DNAH9: variants seen among roughly 807,000 people sequenced by gnomAD.
DNAH9 encodes DNAH9 variant protein.
DNAH9 carries 345 observed loss-of-function variants against 471.6 expected under a neutral mutation model. That is an observed-to-expected ratio of 0.73 (90% CI 0.67 to 0.80). The LOEUF is 0.80. DNAH9 is among the 30% of genes least tolerant of loss of function. DNAH9 has a pLI of 0.00. For synonymous variants in DNAH9, 2,093 were observed against 2,123.6 expected, an observed-to-expected ratio of 0.99 and a Z score of 0.40; for missense variants, 5,407 against 5,609.2, an observed-to-expected ratio of 0.96 and a Z score of 1.15.
At chr17:11,953,271 A>G (rs1476856967) in intron 67 of DNAH9, among the ~76,000 whole-genome samples, 9 of 152,150 alleles carry the variant, frequency 5.9e-5, no homozygotes, top group Admixed American at 5.9e-4. Flanking sequence ...CCGTTGGAGC[A>G]TGCTGTACCC....
intron 1 of DNAH9, among the ~76,000 whole-genome samples, chr17:11,605,905 G>A (rs1479169970): frequency 6.6e-6 from 1 of 152,082 alleles, no homozygotes; most frequent in Non-Finnish European, 1.5e-5. Context: ...TTCAGACAGT[G>A]TACATTCAGT....
chr17:11,962,174 A>G lies in DNAH9; in HGVS notation c.13151A>G (p.Asn4384Ser). Residue 4384 changes from asparagine to serine, a missense_variant, in exon 68 of 69, where the codon AAC (asparagine) becomes AGC (serine). Physicochemically the swap from Asn to Ser is conservative, Grantham distance 46. Coordinates refer to ENST00000262442, the MANE Select transcript of DNAH9 (RefSeq NM_001372.4). This position sits in a 1 kb window ranked among gnomAD's most constrained non-coding sequence, Gnocchi z 4.1. ...MALQCDMTKKNREEFRSPPRE... is the reference protein window; with the variant it reads ...MALQCDMTKKSREEFRSPPRE... ...CTGCAATGTGACATGACGAAGAAGA[A>G]CAGAGAAGAGTTTAGGAGTCCTCCT... The G allele has an allele frequency of 6.2e-7, 1 of 1,614,200 alleles. No homozygotes were observed. The highest frequency in any genetic ancestry group is 8.5e-7 in the Non-Finnish European group (1 of 1,180,044).
chr17:11,621,265 G>A (rs976789437), intron 6 of DNAH9, among the ~76,000 whole-genome samples: 2 of 151,952 alleles, frequency 1.3e-5, no homozygotes, highest in East Asian at 1.9e-4. Flanking sequence ...AAAATTAGCC[G>A]GGTGTGGTGG....
In DNAH9 at chr17:11,699,739, T is replaced by C; in HGVS notation, c.4881T>C (p.Arg1627=). The part of the protein sequence containing the change: ...SNGTAPQQVQ[R]HLSKLFDNMA... ...CTGGTTTCCCTTCATAGGTTCAACG[T>C]CACCTTTCCAAACTCTTTGACAACA... is the stretch of plus-strand genomic sequence containing the variant. The change falls in exon 23 of 69, where the codon CGT becomes CGC. Residue 1627 remains arginine, a synonymous_variant. Transcript: ENST00000262442. 1.2e-6 allele frequency: 2 copies of C among 1,614,174 alleles called. No homozygotes were observed. Among genetic ancestry groups the C allele is most frequent in the Non-Finnish European group, 1.7e-6 (2 of 1,180,014 alleles).
intron 10 of DNAH9, among the ~76,000 whole-genome samples, chr17:11,644,175 A>C (rs916207450): frequency 6.6e-6 from 1 of 152,222 alleles, no homozygotes; most frequent in Non-Finnish European, 1.5e-5. Context: ...CAGCGTCATT[A>C]AAATCTTATG....
intron 12 of DNAH9, among the ~76,000 whole-genome samples, chr17:11,648,678 G>A (rs2073440821): frequency 6.6e-6 from 1 of 151,828 alleles, no homozygotes; most frequent in African/African-American, 2.4e-5. Flanking sequence ...GGGAAAGGAG[G>A]GAGGAAAGAA....
At chr17:11,748,707 T>C (rs978763962) in intron 32 of DNAH9, among the ~76,000 whole-genome samples, 1 of 151,892 alleles carries the variant, frequency 6.6e-6, no homozygotes, top group African/African-American at 2.4e-5. Flanking sequence ...ACTTCACCAA[T>C]AGACATTGTA....
chr17:11,602,424 A>T (rs2072405721), intron 1 of DNAH9, among the ~76,000 whole-genome samples: 1 of 151,986 alleles, frequency 6.6e-6, no homozygotes, highest in African/African-American at 2.4e-5. Flanking sequence ...CTCCTGGAGG[A>T]CTCAGCTGCG....
intron 17 of DNAH9, among the ~76,000 whole-genome samples, chr17:11,678,578 G>A (rs1597467867): frequency 1.3e-5 from 2 of 152,214 alleles, no homozygotes; most frequent in Non-Finnish European, 1.5e-5. Flanking sequence ...CCGAGTAGTC[G>A]GTTATCAGTC....
intron 50 of DNAH9, among the ~76,000 whole-genome samples, chr17:11,857,226 A>C (rs1443626838): frequency 6.6e-6 from 1 of 152,232 alleles, no homozygotes; most frequent in Non-Finnish European, 1.5e-5. Flanking sequence ...GGGCCCACTC[A>C]ACCTGCGAAA....
chr17:11,876,962 G>A (rs1972511998), intron 53 of DNAH9, among the ~76,000 whole-genome samples: 1 of 151,742 alleles, frequency 6.6e-6, no homozygotes, highest in African/African-American at 2.4e-5. Context: ...TCCTGACCTT[G>A]TGATCTGCCT....
At chr17:11,956,965 CTT>C (rs1975672905) in intron 67 of DNAH9, among the ~76,000 whole-genome samples, 1 of 151,310 alleles carries the variant, frequency 6.6e-6, no homozygotes. Context: ...AATTATAAAA[CTT>C]TATGAAACCA....
chr17:11,631,903 T>C (rs2073075490), intron 7 of DNAH9, among the ~76,000 whole-genome samples: 2 of 151,950 alleles, frequency 1.3e-5, no homozygotes, highest in African/African-American at 4.8e-5. Context: ...GCGTGACCAA[T>C]GTTTCTCTGA....
intron 48 of DNAH9, among the ~76,000 whole-genome samples, 154 bp downstream of exon 48, chr17:11,823,188 T>C (rs1261520425): frequency 6.6e-6 from 1 of 152,222 alleles, no homozygotes; most frequent in Non-Finnish European, 1.5e-5. Context: ...TGTTCTCGTG[T>C]GTTGCTTTCA....
At chr17:11,762,544 G>A (rs1386445490) in intron 35 of DNAH9, among the ~76,000 whole-genome samples, 3 of 152,042 alleles carry the variant, frequency 2.0e-5, no homozygotes, top group Non-Finnish European at 2.9e-5. Context: ...ACCAGGCCAG[G>A]GCAGAGTTAC....
At chr17:11,699,976 G>A in intron 23 of DNAH9, 93 bp downstream of exon 23, 1 of 1,347,476 alleles carries the variant, frequency 7.4e-7, no homozygotes, top group Non-Finnish European at 1.0e-6. Flanking sequence ...GGGCCTTTCT[G>A]ACCTTGGTCC....
intron 13 of DNAH9, 91 bp from the exon 14 acceptor site, chr17:11,652,670 A>G (rs1266080545): frequency 8.3e-7 from 1 of 1,201,556 alleles, no homozygotes. Context: ...TAACACTCGC[A>G]AGTATTAAAT....
At chr17:11,697,724 C>T (rs1482528797) in intron 22 of DNAH9, among the ~76,000 whole-genome samples, 1 of 151,974 alleles carries the variant, frequency 6.6e-6, no homozygotes, top group African/African-American at 2.4e-5. Context: ...GTATTTTTAT[C>T]TCTTAGTCCT....
At chr17:11,950,284 T>TA (rs1301195103) in intron 67 of DNAH9, among the ~76,000 whole-genome samples, 5 of 152,232 alleles carry the variant, frequency 3.3e-5, no homozygotes, top group African/African-American at 1.2e-4. Flanking sequence ...TTCTCAGTGT[T>TA]AGACTTTCTA....
Sources: gnomAD v4.1 joint callset for allele counts (sites outside exome capture counted in the v4.1 genomes callset) on GRCh38, gnomAD v4.1.1 for gene constraint, Gnocchi (gnomAD v3.1) non-coding constraint, MANE v1.5 for transcripts, NCBI Gene and HGNC (gene_info 2026-07-23, HGNC 2026-07-21) for gene names.